The following JAKMIP1 variants were observed in gnomAD, a reference collection of about 807,000 sequenced individuals.
The protein encoded by JAKMIP1 is janus kinase and microtubule interacting protein 1, also known as janus kinase and microtubule-interacting protein 1.
A neutral mutation model predicts 113.0 loss-of-function variants in JAKMIP1; 33 were observed. That is an observed-to-expected ratio of 0.29 (90% CI 0.22 to 0.39). The LOEUF (loss-of-function observed/expected upper bound fraction) is 0.39, where lower values mean the gene tolerates loss of function less well. Among genes scored for constraint, JAKMIP1 ranks in the 10% least tolerant of loss-of-function variants. The pLI is 1.00. For missense variants in JAKMIP1, 813 were observed against 1,080.5 expected, an observed-to-expected ratio of 0.75 and a Z score of 3.47; for synonymous variants, 480 against 459.9, an observed-to-expected ratio of 1.04 and a Z score of -0.56.
rs1352639647 is a variant in JAKMIP1 at position 6,108,471 on chromosome 4, G to C, written c.130-2504C>G. ...CTGGGGGTGTGGGGGCTGGCGTGGA[G>C]AAATTATCTGAACCACCAGCACCAC... On this transcript the variant is annotated intron_variant, in intron 2 of 20. Transcript: ENST00000409021. This position sits in a 1 kb window ranked among gnomAD's most constrained non-coding sequence, Gnocchi z 5.6. Among the ~76,000 whole-genome samples, 2 of 152,132 alleles carry C rather than the reference G, an allele frequency of 1.3e-5. No individual in the cohort carries two copies. The highest frequency in any genetic ancestry group is 3.9e-4 in the East Asian group (2 of 5,184).
At chr4:6,034,970 G>C (rs1408050219) in intron 19 of JAKMIP1, among the ~76,000 whole-genome samples, 1 of 152,186 alleles carries the variant, frequency 6.6e-6, no homozygotes, top group Admixed American at 6.5e-5. Flanking sequence ...TCCCCGAGGA[G>C]AGGAGCATGC....
rs937714657 is a variant in JAKMIP1, at chr4:6,139,610, A to G, written c.-147-26613T>C. Reference sequence around the variant, plus strand: ...GTGAAACCCCATCTCTACTAAAAATACAAAAATTAGCCAGGTGTGGTGGCA... The same window carrying G: ...GTGAAACCCCATCTCTACTAAAAATGCAAAAATTAGCCAGGTGTGGTGGCA... On this transcript the variant is annotated intron_variant, in intron 1 of 20. Transcript: ENST00000409021. The surrounding 1 kb of genome is among the most constrained non-coding windows in gnomAD (Gnocchi z 5.2). Among the ~76,000 whole-genome samples the G allele has an allele frequency of 6.6e-6, 1 of 151,994 alleles. No individual in the cohort carries two copies. Among genetic ancestry groups the G allele is most frequent in the African/African-American group, 2.4e-5 (1 of 41,340 alleles).
intron 1 of JAKMIP1, among the ~76,000 whole-genome samples, chr4:6,177,983 C>T (rs1048083854): frequency 7.9e-5 from 12 of 152,206 alleles, no homozygotes; most frequent in Admixed American, 1.3e-4. Flanking sequence ...CCAAGTGCAT[C>T]CGGCTTCACT....
At chr4:6,084,805 T>G in intron 5 of JAKMIP1, 41 bp downstream of exon 5, 1 of 1,590,336 alleles carries the variant, frequency 6.3e-7, no homozygotes, top group South Asian at 1.2e-5. Context: ...GCCCCTTCCT[T>G]GCACCCTATG....
rs1727330560 is a variant in JAKMIP1, at chr4:6,192,050, A to G, written c.-148+8203T>C. ...CGGGTTTGAGCTATTCTCCTGCCTC[A>G]GCCTCCCGAGTAGTTGGGATTACAG... On this transcript the variant is annotated intron_variant, in intron 1 of 20. Coordinates refer to ENST00000409021, the MANE Select transcript of JAKMIP1 (RefSeq NM_001099433.2). The surrounding 1 kb of genome is among the most constrained non-coding windows in gnomAD (Gnocchi z 5.0). 6.6e-6 allele frequency among the ~76,000 whole-genome samples: 1 copy of G among 151,966 alleles called. No homozygotes were observed. Among genetic ancestry groups the G allele is most frequent in the Non-Finnish European group, 1.5e-5 (1 of 67,998 alleles).
At chr4:6,112,577 A>T in intron 2 of JAKMIP1, 145 bp downstream of exon 2, 1 of 986,764 alleles carries the variant, frequency 1.0e-6, no homozygotes, top group Admixed American at 2.1e-5. Flanking sequence ...TGTACTGCAA[A>T]GGGACAGACA....
chr4:6,119,417 G>C (rs958680990), intron 1 of JAKMIP1, among the ~76,000 whole-genome samples: 1 of 152,172 alleles, frequency 6.6e-6, no homozygotes, highest in African/African-American at 2.4e-5. Context: ...GGTTGCGCAT[G>C]GCTGTAATCC....
chr4:6,145,994 G>A (rs1720799151), intron 1 of JAKMIP1, among the ~76,000 whole-genome samples: 2 of 152,128 alleles, frequency 1.3e-5, no homozygotes, highest in African/African-American at 4.8e-5. Context: ...ACTTTGGGGG[G>A]ACACATTTCA....
In JAKMIP1 at chr4:6,139,993, A is replaced by G. The variant is rs1037370648; in HGVS notation, c.-147-26996T>C. Among the ~76,000 whole-genome samples the G allele has an allele frequency of 1.3e-5, 2 of 152,050 alleles. No individual in the cohort carries two copies. The highest frequency in any genetic ancestry group is 2.9e-5 in the Non-Finnish European group (2 of 68,032). On this transcript the variant is annotated intron_variant, in intron 1 of 20. Coordinates refer to ENST00000409021, the MANE Select transcript of JAKMIP1 (RefSeq NM_001099433.2). The surrounding 1 kb of genome is among the most constrained non-coding windows in gnomAD (Gnocchi z 5.2). ...TGGGGTCAACCCTGCCCACGCCTGG[A>G]TCTCAGACTTCCAGCCTCCAGAACT...
chr4:6,095,344 G>A (rs553067910), intron 3 of JAKMIP1, among the ~76,000 whole-genome samples: 2 of 151,676 alleles, frequency 1.3e-5, no homozygotes, highest in East Asian at 3.9e-4. Flanking sequence ...AAGAAAGAAA[G>A]GAAGGGAGGA....
chr4:6,126,447 T>C (rs999031578), intron 1 of JAKMIP1, among the ~76,000 whole-genome samples: 90 of 94,170 alleles, frequency 9.6e-4, no homozygotes, highest in African/African-American at 2.4e-3. Flanking sequence ...ACACACACCA[T>C]GCAGAAACAC....
chr4:6,054,056 T>C lies in JAKMIP1; in HGVS notation c.1800A>G (p.Glu600=), dbSNP rs1461799520. The C allele has an allele frequency of 2.5e-6, 4 of 1,614,114 alleles. No homozygotes were observed. The highest frequency in any genetic ancestry group is 2.5e-6 in the Non-Finnish European group (3 of 1,179,966). Residue 600 remains glutamate (E), a synonymous_variant, in exon 13 of 21, where the codon GAA becomes GAG. Coordinates refer to ENST00000409021, the MANE Select transcript of JAKMIP1 (RefSeq NM_001099433.2). ...AACAGATAGAGTCTCTTACTTCGAG[T>C]TCTAGCACTCTGAATTCTAACAGCT... ...QNELLEFRVL[E]LEERERRSPA...
At chr4:6,190,210 G>T (rs1018304212) in intron 1 of JAKMIP1, among the ~76,000 whole-genome samples, 1 of 150,206 alleles carries the variant, frequency 6.7e-6, no homozygotes, top group Non-Finnish European at 1.5e-5. Flanking sequence ...CATGGGGGGG[G>T]CTGCAATGCC....
rs2108995332 is a variant in JAKMIP1, at chr4:6,157,304, C to T, written c.-148+42949G>A. On this transcript the variant is annotated intron_variant, in intron 1 of 20. Transcript: ENST00000409021. The surrounding 1 kb of genome is among the most constrained non-coding windows in gnomAD (Gnocchi z 4.7). ...ATGGACTAAGACGAGTGCACCTGGG[C>T]AGGTTACTCCCTCTGCAAAAAGGCG... Among the ~76,000 whole-genome samples, 1 of 152,274 alleles carries T rather than the reference C, an allele frequency of 6.6e-6. No individual in the cohort carries two copies. The highest frequency in any genetic ancestry group is 2.1e-4 in the South Asian group (1 of 4,816).
chr4:6,176,190 G>A lies in JAKMIP1; in HGVS notation c.-148+24063C>T, dbSNP rs965762016. ...GACTTTGAGCACAGTGGGGAGCCAC[G>A]GAGAGGGTTACACCTGGGTGGAAAA... On this transcript the variant is annotated intron_variant, in intron 1 of 20. Transcript: ENST00000409021. This position sits in a 1 kb window ranked among gnomAD's most constrained non-coding sequence, Gnocchi z 5.5. Among the ~76,000 whole-genome samples, 8 of 152,308 alleles carry A rather than the reference G, an allele frequency of 5.3e-5. No individual in the cohort carries two copies. Among genetic ancestry groups the A allele is most frequent in the African/African-American group, 1.4e-4 (6 of 41,552 alleles).
intron 1 of JAKMIP1, among the ~76,000 whole-genome samples, chr4:6,169,515 T>G (rs1724075454): frequency 6.6e-6 from 1 of 152,060 alleles, no homozygotes; most frequent in African/African-American, 2.4e-5. Context: ...CACCTTCATC[T>G]CAGACTTCTG....
In JAKMIP1 at chr4:6,140,865, TC is replaced by T; in HGVS notation, c.-147-27869del. On this transcript the variant is annotated intron_variant, in intron 1 of 20. Coordinates refer to ENST00000409021, the MANE Select transcript of JAKMIP1 (RefSeq NM_001099433.2). This position sits in a 1 kb window ranked among gnomAD's most constrained non-coding sequence, Gnocchi z 9.4. Reference sequence around the variant, plus strand: ...ACAGGCACTGGTTGGAGCTCATCTGTCCTCAGCACAGTGCCTGGTGTATGGT... The same window carrying T: ...ACAGGCACTGGTTGGAGCTCATCTGTCTCAGCACAGTGCCTGGTGTATGGT... Among the ~76,000 whole-genome samples the T allele has an allele frequency of 6.6e-6, 1 of 152,184 alleles. No individual in the cohort carries two copies. Among genetic ancestry groups the T allele is most frequent in the East Asian group, 1.9e-4 (1 of 5,194 alleles).
In JAKMIP1 at chr4:6,178,575, G is replaced by A. The variant is rs556218641; in HGVS notation, c.-148+21678C>T. 9.9e-5 allele frequency among the ~76,000 whole-genome samples: 15 copies of A among 152,244 alleles called. No homozygotes were observed. The highest frequency in any genetic ancestry group is 2.1e-4 in the South Asian group (1 of 4,822). ...AGCATTTCATGAACCGGGATATTTC[G>A]AAACTGCATCTCCTTGATACCGCCA... On this transcript the variant is annotated intron_variant, in intron 1 of 20. Coordinates refer to ENST00000409021, the MANE Select transcript of JAKMIP1 (RefSeq NM_001099433.2). The surrounding 1 kb of genome is among the most constrained non-coding windows in gnomAD (Gnocchi z 5.5).
chr4:6,157,828 A>T lies in JAKMIP1; in HGVS notation c.-148+42425T>A, dbSNP rs1722433370. Among the ~76,000 whole-genome samples, 1 of 152,120 alleles carries T rather than the reference A, an allele frequency of 6.6e-6. No individual in the cohort carries two copies. The highest frequency in any genetic ancestry group is 2.1e-4 in the South Asian group (1 of 4,822). On this transcript the variant is annotated intron_variant, in intron 1 of 20. Coordinates refer to ENST00000409021, the MANE Select transcript of JAKMIP1 (RefSeq NM_001099433.2). This position sits in a 1 kb window ranked among gnomAD's most constrained non-coding sequence, Gnocchi z 4.7. Reference sequence around the variant, plus strand: ...TAGAGTCGAGAATTCTGATGAAAAAACTTAAATTAGATGCCAACACAGCTA... The same window carrying T: ...TAGAGTCGAGAATTCTGATGAAAAATCTTAAATTAGATGCCAACACAGCTA...
Sources: gnomAD v4.1 joint callset for allele counts (sites outside exome capture counted in the v4.1 genomes callset) on GRCh38, gnomAD v4.1.1 for gene constraint, Gnocchi (gnomAD v3.1) non-coding constraint, MANE v1.5 for transcripts, NCBI Gene and HGNC (gene_info 2026-07-23, HGNC 2026-07-21) for gene names.